PFKFB3: variants seen among roughly 807,000 people sequenced by gnomAD.
PFKFB3 encodes the protein 6-phosphofructo-2-kinase/fructose-2,6-bisphosphatase 3.
In PFKFB3, 33 loss-of-function variants were observed where a neutral mutation model predicts 68.0. The observed-to-expected ratio is 0.49, with a 90% CI of 0.37 to 0.65. The LOEUF (loss-of-function observed/expected upper bound fraction) is 0.65. Among genes scored for constraint, PFKFB3 ranks in the 30% least tolerant of loss-of-function variants. PFKFB3 has a pLI of 0.00. For synonymous variants in PFKFB3, 315 were observed against 288.2 expected, an observed-to-expected ratio of 1.09 and a Z score of -0.94; for missense variants, 586 against 712.2, an observed-to-expected ratio of 0.82 and a Z score of 2.02.
chr10:6,148,715 CT>C (rs1176006238), intron 1 of PFKFB3, among the ~76,000 whole-genome samples: 1 of 152,216 alleles, frequency 6.6e-6, no homozygotes, highest in Non-Finnish European at 1.5e-5. Flanking sequence ...CATATCATGA[CT>C]AACTTTGGGA....
At chr10:6,314,337 T>C in the PFKFB3 span, among the ~76,000 whole-genome samples, 4 of 152,234 alleles carry the variant, frequency 2.6e-5, no homozygotes, top group Admixed American at 6.5e-5. Flanking sequence ...AGAAAGTTTT[T>C]CAAAATGCCC....
intron 1 of PFKFB3, among the ~76,000 whole-genome samples, chr10:6,167,476 C>T (rs1842178835): frequency 6.6e-6 from 1 of 152,108 alleles, no homozygotes; most frequent in South Asian, 2.1e-4. Flanking sequence ...TTTGTTTCTG[C>T]CACATTTATT....
chr10:6,201,399 GCT>G (rs113004308), upstream of PFKFB3, among the ~76,000 whole-genome samples: 23,609 of 150,792 alleles, frequency 0.16, 2,141 homozygotes, highest in Non-Finnish European at 0.22. This position sits in a 1 kb window ranked among gnomAD's most constrained non-coding sequence, Gnocchi z 4.1. Context: ...GGGAACAGGG[GCT>G]CTGAGAGGGC....
the PFKFB3 span, among the ~76,000 whole-genome samples, chr10:6,292,278 CTTTTTT>C: frequency 5.3e-4 from 29 of 54,304 alleles, no homozygotes; most frequent in East Asian, 1.1e-3. Flanking sequence ...TTTTTTTTTT[CTTTTTT>C]TTTTTTTTTT....
rs372318034 is a variant in PFKFB3 at position 6,209,201 on chromosome 10, A to C, written c.77-4422A>C. Among the ~76,000 whole-genome samples, 5 of 152,184 alleles carry C rather than the reference A, an allele frequency of 3.3e-5. No homozygotes were observed. The East Asian group carries it at 9.6e-4, about 29-fold the overall frequency. On this transcript the variant is annotated intron_variant, in intron 1 of 14. Transcript: ENST00000379775. ...CGTGGCCATGGTTGTAACCATGACAACACTTTGAGCTCGAGTCCCCCAGAT... is the reference window on the plus strand; with the variant it reads ...CGTGGCCATGGTTGTAACCATGACACCACTTTGAGCTCGAGTCCCCCAGAT...
At chr10:6,308,851 C>G in the PFKFB3 span, among the ~76,000 whole-genome samples, 1 of 152,192 alleles carries the variant, frequency 6.6e-6, no homozygotes, top group East Asian at 1.9e-4. Context: ...TTATAAACAT[C>G]ATTTTAAAGA....
chr10:6,318,497 TC>T, the PFKFB3 span, among the ~76,000 whole-genome samples: 6 of 152,186 alleles, frequency 3.9e-5, no homozygotes, highest in Non-Finnish European at 8.8e-5. Context: ...TCCTGTCCAT[TC>T]CCGGAGCTGT....
chr10:6,293,572 C>T, the PFKFB3 span: 1 of 196,870 alleles, frequency 5.1e-6, no homozygotes, highest in Admixed American at 5.6e-5. Context: ...TCTCAAACTC[C>T]TGACATAAGG....
At chr10:6,239,052 C>G (rs1312677376), downstream of PFKFB3, among the ~76,000 whole-genome samples, 1 of 152,060 alleles carries the variant, frequency 6.6e-6, no homozygotes, top group Admixed American at 6.6e-5. Flanking sequence ...GTCTTCATGG[C>G]GGAACAACTT....
chr10:6,183,506 T>C (rs1467455784), intron 1 of PFKFB3, among the ~76,000 whole-genome samples: 2 of 151,304 alleles, frequency 1.3e-5, no homozygotes, highest in Admixed American at 1.3e-4. Flanking sequence ...AACTGGAGTC[T>C]GGCCTGGTGT....
intron 1 of PFKFB3, among the ~76,000 whole-genome samples, chr10:6,207,799 A>G (rs1210793701): frequency 6.6e-6 from 1 of 152,250 alleles, no homozygotes; most frequent in Admixed American, 6.5e-5. Flanking sequence ...TGCATCCTGT[A>G]ACTCCTGCTG....
chr10:6,314,773 C>T, the PFKFB3 span, among the ~76,000 whole-genome samples: 2 of 152,206 alleles, frequency 1.3e-5, no homozygotes, highest in African/African-American at 4.8e-5. Context: ...GCTGCCCCTT[C>T]TAGACAGCCT....
At chr10:6,299,885 T>C in the PFKFB3 span, among the ~76,000 whole-genome samples, 1 of 151,624 alleles carries the variant, frequency 6.6e-6, no homozygotes, top group Non-Finnish European at 1.5e-5. Context: ...TTTCCTTCAC[T>C]GTCTGCTGAA....
intron 1 of PFKFB3, among the ~76,000 whole-genome samples, chr10:6,168,893 AGTG>A (rs1842218389): frequency 1.3e-5 from 2 of 152,290 alleles, no homozygotes; most frequent in East Asian, 3.9e-4. Flanking sequence ...AACCTCCTAA[AGTG>A]GTCCTTCGTT....
intron 4 of PFKFB3, 77 bp from the exon 5 acceptor site, chr10:6,216,629 G>C (rs1844606787): frequency 2.0e-6 from 2 of 987,092 alleles, no homozygotes; most frequent in Non-Finnish European, 3.2e-6. Flanking sequence ...GATGGGTCTG[G>C]CATCTTTGCT....
the PFKFB3 span, among the ~76,000 whole-genome samples, chr10:6,323,938 T>C: frequency 6.6e-6 from 1 of 152,196 alleles, no homozygotes; most frequent in Non-Finnish European, 1.5e-5. Context: ...AGCAGGGACA[T>C]GAACACCAGT....
chr10:6,166,480 A>G (rs984546166), intron 1 of PFKFB3, among the ~76,000 whole-genome samples: 5 of 152,170 alleles, frequency 3.3e-5, no homozygotes, highest in Admixed American at 2.6e-4. Flanking sequence ...ATGATGTTGC[A>G]GTTATTCATG....
chr10:6,307,997 A>G, the PFKFB3 span, among the ~76,000 whole-genome samples: 5,447 of 152,226 alleles, frequency 0.036, 139 homozygotes, highest in Middle Eastern at 0.15. Context: ...GCTTTCTGCT[A>G]TGGGATAACA....
At chr10:6,174,064 G>C (rs551229127) in intron 1 of PFKFB3, among the ~76,000 whole-genome samples, 12 of 152,232 alleles carry the variant, frequency 7.9e-5, no homozygotes, top group Admixed American at 5.2e-4. Context: ...GTGGGGATTG[G>C]AGCGGCTTGA....
Sources: allele counts gnomAD v4.1 joint callset (sites outside exome capture counted in the v4.1 genomes callset), GRCh38; gene constraint gnomAD v4.1.1; non-coding constraint Gnocchi (gnomAD v3.1); transcripts MANE v1.5; gene names NCBI Gene and HGNC (gene_info 2026-07-23, HGNC 2026-07-21).